Variants in GRM8 observed in about 807,000 individuals in gnomAD.
GRM8 encodes metabotropic glutamate receptor 8.
A neutral mutation model predicts 87.2 loss-of-function variants in GRM8; 47 were observed. The observed-to-expected ratio is 0.54, with a 90% CI of 0.43 to 0.69. GRM8 has a LOEUF of 0.69. Ranked by LOEUF, GRM8 falls within the 30% of genes least tolerant of loss-of-function variation. The pLI is 0.00. For synonymous variants in GRM8, 396 were observed against 404.5 expected (o/e 0.98, Z 0.25); for missense variants, 1,019 against 1,139.2 (o/e 0.89, Z 1.52).
intron 2 of GRM8, among the ~76,000 whole-genome samples, chr7:127,237,576 A>G (rs888011061): frequency 6.6e-6 from 1 of 152,218 alleles, no homozygotes; most frequent in African/African-American, 2.4e-5. Context: ...TTGACTTCAC[A>G]TGAAGATCAA....
chr7:126,766,691 G>A (rs1036306147), intron 7 of GRM8, among the ~76,000 whole-genome samples: 3 of 152,162 alleles, frequency 2.0e-5, no homozygotes, highest in Non-Finnish European at 4.4e-5. Context: ...AGCAGCTCTG[G>A]TTCTAGTCAA....
chr7:126,639,298 G>A (rs948217280), intron 7 of GRM8, among the ~76,000 whole-genome samples: 2 of 152,112 alleles, frequency 1.3e-5, no homozygotes, highest in Non-Finnish European at 2.9e-5. Flanking sequence ...AAGAGGTAAG[G>A]ATGTATCCTC....
intron 6 of GRM8, chr7:126,869,255 T>G (rs1050875849): frequency 3.3e-5 from 5 of 152,250 alleles, no homozygotes; most frequent in African/African-American, 1.2e-4. Context: ...CTACCACATC[T>G]GCAGTTACTT....
intron 7 of GRM8, among the ~76,000 whole-genome samples, chr7:126,646,785 A>T (rs1309328430): frequency 6.6e-6 from 1 of 152,204 alleles, no homozygotes; most frequent in Non-Finnish European, 1.5e-5. Flanking sequence ...TTAATCTTGT[A>T]CTTGGCACAT....
chr7:127,242,230 TA>T (rs1341622996), intron 2 of GRM8, among the ~76,000 whole-genome samples: 1 of 152,206 alleles, frequency 6.6e-6, no homozygotes, highest in Non-Finnish European at 1.5e-5. Flanking sequence ...ACATTAGTAA[TA>T]AATACTGTTT....
chr7:126,678,854 A>C (rs975700787), intron 7 of GRM8, among the ~76,000 whole-genome samples: 1 of 152,208 alleles, frequency 6.6e-6, no homozygotes, highest in Non-Finnish European at 1.5e-5. Context: ...TATTGTATTA[A>C]ATTTAAATGA....
chr7:126,533,548 G>T lies in GRM8; in HGVS notation c.1834C>A (p.Pro612Thr). The change falls in exon 9 of 11, where the codon CCT becomes ACT. Residue 612 changes from proline (P) to threonine (T), a missense_variant. Transcript: ENST00000339582. The stretch of plus-strand genomic sequence containing the variant: ...TCGCGTCCTGAAGCCCTCACGATAG[G>T]TGTGTCATTATAGCGGACAAAGGTC... ...IVTFVRYNDTPIVRASGRELS... is the reference protein window; with the variant it reads ...IVTFVRYNDTTIVRASGRELS... 6.2e-7 allele frequency: 1 copy of T among 1,614,030 alleles called. No homozygotes were observed. The highest frequency in any genetic ancestry group is 1.1e-5 in the South Asian group (1 of 91,082).
chr7:126,656,195 G>C (rs891373784), intron 7 of GRM8, among the ~76,000 whole-genome samples: 1 of 152,086 alleles, frequency 6.6e-6, no homozygotes, highest in African/African-American at 2.4e-5. Flanking sequence ...GGAGATTGGG[G>C]TAAGATAACT....
At chr7:126,679,018 C>T (rs926990752) in intron 7 of GRM8, among the ~76,000 whole-genome samples, 5 of 152,172 alleles carry the variant, frequency 3.3e-5, no homozygotes, top group African/African-American at 1.2e-4. Context: ...AGGCTTCTGC[C>T]AACAAAGCTT....
At chr7:126,751,205 A>G (rs1816373623) in intron 7 of GRM8, among the ~76,000 whole-genome samples, 2 of 152,126 alleles carry the variant, frequency 1.3e-5, no homozygotes, top group South Asian at 4.1e-4. Context: ...AGGCCACAAA[A>G]TGAGATTTTA....
intron 9 of GRM8, among the ~76,000 whole-genome samples, chr7:126,497,351 G>A (rs1808916583): frequency 6.6e-6 from 1 of 151,914 alleles, no homozygotes; most frequent in Admixed American, 6.6e-5. Flanking sequence ...ACAGTGGATG[G>A]AGGGCCATCC....
intron 9 of GRM8, among the ~76,000 whole-genome samples, chr7:126,495,579 T>C: frequency 6.6e-6 from 1 of 151,938 alleles, no homozygotes; most frequent in Admixed American, 6.6e-5. Context: ...CCAGTTTGGG[T>C]AAGGGAGTAT....
chr7:126,990,135 T>C lies in GRM8; in HGVS notation c.728-85452A>G, dbSNP rs1419439. On this transcript the variant is annotated intron_variant, in intron 3 of 10. Transcript: ENST00000339582. ...CTAAGAGAATCAGCATTATTTAATA[T>C]CCATTGCCTCAGACACTGTTGTTTG... Among the ~76,000 whole-genome samples the C allele has an allele frequency of 1.2e-4, 19 of 152,266 alleles. No individual in the cohort carries two copies. In the South Asian group the frequency reaches 2.9e-3, roughly 23 times the overall value.
intron 6 of GRM8, among the ~76,000 whole-genome samples, chr7:126,817,424 C>T (rs548472994): frequency 2.4e-3 from 359 of 152,206 alleles, no homozygotes; most frequent in Non-Finnish European, 2.9e-3. Context: ...CATGGGGCTT[C>T]ACTTAATCAA....
intron 2 of GRM8, among the ~76,000 whole-genome samples, chr7:127,132,012 C>T (rs913966224): frequency 4.1e-4 from 62 of 152,110 alleles, no homozygotes; most frequent in Admixed American, 3.1e-3. Flanking sequence ...ATTTTGAATT[C>T]GGCAGTCTTA....
intron 9 of GRM8, among the ~76,000 whole-genome samples, chr7:126,474,734 A>G (rs1805699828): frequency 6.6e-6 from 1 of 152,118 alleles, no homozygotes; most frequent in Admixed American, 6.5e-5. Flanking sequence ...TGCCTCATAT[A>G]AGACTGGTAT....
intron 6 of GRM8, among the ~76,000 whole-genome samples, chr7:126,877,932 C>T (rs1799672435): frequency 6.6e-6 from 1 of 152,178 alleles, no homozygotes; most frequent in African/African-American, 2.4e-5. Flanking sequence ...CATAACTCCC[C>T]TGTGAAATAT....
At chr7:126,918,819 G>A (rs1380990859) in intron 3 of GRM8, among the ~76,000 whole-genome samples, 1 of 152,082 alleles carries the variant, frequency 6.6e-6, no homozygotes, top group Non-Finnish European at 1.5e-5. Flanking sequence ...AAATGGTATT[G>A]TTTATCTAAG....
chr7:126,485,711 C>T (rs547147479), intron 9 of GRM8, among the ~76,000 whole-genome samples: 2 of 152,050 alleles, frequency 1.3e-5, no homozygotes, highest in East Asian at 2.0e-4. Context: ...TTAACCTTTT[C>T]GGCCTGAGAA....
Sources: allele counts gnomAD v4.1 joint callset (sites outside exome capture counted in the v4.1 genomes callset), GRCh38; gene constraint gnomAD v4.1.1; transcripts MANE v1.5; gene names NCBI Gene and HGNC (gene_info 2026-07-23, HGNC 2026-07-21).